RUNX1T1: variants seen among roughly 807,000 people sequenced by gnomAD.
RUNX1T1 encodes the protein RUNX1 partner transcriptional co-repressor 1, also known as protein CBFA2T1.
Under a neutral mutation model 62.8 loss-of-function variants are expected in RUNX1T1, and 4 were observed. The observed-to-expected ratio is 0.06, with a 90% confidence interval of 0.03 to 0.15. The LOEUF is 0.15. RUNX1T1 is among the 10% of genes least tolerant of loss of function. RUNX1T1 has a pLI of 1.00. For synonymous variants in RUNX1T1, 291 were observed against 286.0 expected, an observed-to-expected ratio of 1.02 and a Z score of -0.18; for missense variants, 508 against 754.3, an observed-to-expected ratio of 0.67 and a Z score of 3.82.
At chr8:92,019,819 T>C (rs991786416) in intron 1 of RUNX1T1, among the ~76,000 whole-genome samples, 1 of 149,980 alleles carries the variant, frequency 6.7e-6, no homozygotes, top group African/African-American at 2.5e-5. Flanking sequence ...TGAAAACATC[T>C]GAATATTGTC....
chr8:92,051,283 G>A (rs1196394899), intron 1 of RUNX1T1, among the ~76,000 whole-genome samples: 4 of 151,982 alleles, frequency 2.6e-5, no homozygotes, highest in East Asian at 1.9e-4. Flanking sequence ...AACTCTAGGT[G>A]CCATGGAGAC....
intron 5 of RUNX1T1, among the ~76,000 whole-genome samples, chr8:92,001,554 T>G (rs1249074972): frequency 6.6e-6 from 1 of 152,164 alleles, no homozygotes; most frequent in African/African-American, 2.4e-5. Context: ...AAACTGAGAG[T>G]AATGTAAAGC....
At chr8:92,031,566 G>A (rs1239933541) in intron 1 of RUNX1T1, among the ~76,000 whole-genome samples, 1 of 152,032 alleles carries the variant, frequency 6.6e-6, no homozygotes, top group Non-Finnish European at 1.5e-5. Flanking sequence ...TGACCTCATG[G>A]GCTCTAGCGA....
intron 1 of RUNX1T1, among the ~76,000 whole-genome samples, chr8:92,039,795 T>C (rs1448850682): frequency 1.3e-5 from 2 of 152,198 alleles, no homozygotes; most frequent in Non-Finnish European, 2.9e-5. Context: ...CCTGGCTCCA[T>C]ACCAACTGAT....
chr8:92,053,456 TGTCAAAA>T (rs1421401917), intron 1 of RUNX1T1, among the ~76,000 whole-genome samples: 1 of 152,154 alleles, frequency 6.6e-6, no homozygotes, highest in African/African-American at 2.4e-5. Flanking sequence ...TCACACACAC[TGTCAAAA>T]GCCCTTTGTT....
chr8:92,087,861 A>G (rs746806673), intron 1 of RUNX1T1, among the ~76,000 whole-genome samples: 2 of 152,138 alleles, frequency 1.3e-5, no homozygotes, highest in African/African-American at 4.8e-5. Context: ...CTCTTCACCT[A>G]TATTTTCCTC....
intron 1 of RUNX1T1, among the ~76,000 whole-genome samples, chr8:92,028,091 GAAGGAA>G (rs1825579043): frequency 1.4e-5 from 1 of 73,842 alleles, no homozygotes; most frequent in African/African-American, 5.8e-5. Flanking sequence ...GGGGGGGTGG[GAAGGAA>G]GGAGGGAAAG....
intron 2 of RUNX1T1, among the ~76,000 whole-genome samples, chr8:92,074,299 T>TTC (rs1191667013): frequency 6.6e-6 from 1 of 152,212 alleles, no homozygotes; most frequent in Non-Finnish European, 1.5e-5. Flanking sequence ...GCTGCAATGG[T>TTC]TCATTGCCAG....
At chr8:92,042,331 T>G (rs2130152724) in intron 1 of RUNX1T1, among the ~76,000 whole-genome samples, 1 of 152,128 alleles carries the variant, frequency 6.6e-6, no homozygotes, top group South Asian at 2.1e-4. Flanking sequence ...TTTTTCTTTG[T>G]TTGAGACAGG....
chr8:91,996,506 G>GT (rs1185495573), intron 5 of RUNX1T1, among the ~76,000 whole-genome samples: 1 of 152,092 alleles, frequency 6.6e-6, no homozygotes, highest in Non-Finnish European at 1.5e-5. Flanking sequence ...CGGCTTATTT[G>GT]TTTTTTAAGT....
chr8:92,081,495 T>G (rs1045309827), intron 1 of RUNX1T1, among the ~76,000 whole-genome samples: 1 of 151,276 alleles, frequency 6.6e-6, no homozygotes, highest in African/African-American at 2.4e-5. Flanking sequence ...TCTAAAACAT[T>G]TTGGTGTGAT....
Position 91,959,475 on chromosome 8 carries a change from C to CGTGTGT in RUNX1T1, c.*761_*766dup, listed in dbSNP as rs375805701. 279 of 34,000 alleles carry CGTGTGT rather than the reference C, an allele frequency of 8.2e-3. 4 individuals carry two copies. Among genetic ancestry groups the CGTGTGT allele is most frequent in the East Asian group, 0.019 (15 of 806 alleles). The allele number at this position is 34,000 out of a possible 1,614,324, so 2.1% of individuals were successfully genotyped here. ...GTGTGTGTGTGTGTGTGTATATGTG[C>CGTGTGT]GTGTGTGTGTGTGTATATATATATA... On this transcript the variant is annotated 3_prime_UTR_variant, in exon 11 of 11. Coordinates refer to ENST00000396218, the Ensembl canonical transcript of RUNX1T1.
At chr8:91,975,969 C>A (rs373940653) in exon 9 of RUNX1T1, 30 of 1,611,240 alleles carry the variant, frequency 1.9e-5, no homozygotes, top group Non-Finnish European at 2.5e-5. Context: ...ATTCCCGATG[C>A]GCGTCTATGA....
intron 1 of RUNX1T1, among the ~76,000 whole-genome samples, chr8:92,049,571 C>T (rs1829928610): frequency 6.6e-6 from 1 of 152,164 alleles, no homozygotes; most frequent in African/African-American, 2.4e-5. Flanking sequence ...ACACTACCTC[C>T]TCCACATTCC....
intron 1 of RUNX1T1, among the ~76,000 whole-genome samples, chr8:92,076,891 T>C (rs1428454435): frequency 1.3e-5 from 2 of 152,006 alleles, no homozygotes; most frequent in African/African-American, 4.8e-5. Context: ...CTACTATGAA[T>C]AGAAAAAGTA....
At chr8:92,027,982 T>G (rs145688213) in intron 1 of RUNX1T1, among the ~76,000 whole-genome samples, 6 of 150,688 alleles carry the variant, frequency 4.0e-5, no homozygotes, top group African/African-American at 1.2e-4. Context: ...GAACAGAGAT[T>G]TTTCTCTGTT....
intron 10 of RUNX1T1, among the ~76,000 whole-genome samples, chr8:91,963,545 C>T (rs958687075): frequency 2.0e-5 from 3 of 152,190 alleles, no homozygotes; most frequent in African/African-American, 7.2e-5. Context: ...CTAATCCATA[C>T]CTGCAAGACT....
chr8:92,039,478 T>C lies in RUNX1T1; in HGVS notation c.8-22115A>G, dbSNP rs373044795. On this transcript the variant is annotated intron_variant, in intron 1 of 10. Coordinates refer to ENST00000396218, the Ensembl canonical transcript of RUNX1T1. ...CTTTTCTGGTGCCCTGGTATTCCCA[T>C]ATTCTTTTCAAGCCTTTCCTCTCTT... is the stretch of plus-strand genomic sequence containing the variant. Among the ~76,000 whole-genome samples the C allele has an allele frequency of 9.2e-5, 14 of 152,334 alleles. No individual in the cohort carries two copies. The East Asian group carries it at 1.4e-3, about 15-fold the overall frequency.
chr8:92,026,603 C>T (rs1018041948), intron 1 of RUNX1T1, among the ~76,000 whole-genome samples: 6 of 152,092 alleles, frequency 3.9e-5, no homozygotes, highest in African/African-American at 7.2e-5. Flanking sequence ...AGGCGGATCA[C>T]GAGGTCAGGA....
Sources: allele counts gnomAD v4.1 joint callset (sites outside exome capture counted in the v4.1 genomes callset), GRCh38; gene constraint gnomAD v4.1.1; transcripts MANE v1.5; gene names NCBI Gene and HGNC (gene_info 2026-07-23, HGNC 2026-07-21).